NCAM1: variants seen among roughly 807,000 people sequenced by gnomAD.
NCAM1 encodes antigen recognized by monoclonal antibody 5.1H11.
Under a neutral mutation model 109.8 loss-of-function variants are expected in NCAM1, and 14 were observed. That is an observed-to-expected ratio of 0.13 (90% CI 0.08 to 0.20). NCAM1 has a LOEUF of 0.20. Ranked by LOEUF, NCAM1 falls within the 10% of genes least tolerant of loss-of-function variation. The pLI is 1.00. For synonymous variants in NCAM1, 418 were observed against 442.9 expected, an observed-to-expected ratio of 0.94 and a Z score of 0.70; for missense variants, 774 against 1,109.9, an observed-to-expected ratio of 0.70 and a Z score of 4.30.
chr11:113,267,644 G>C (rs1164515449), intron 17 of NCAM1, among the ~76,000 whole-genome samples: 4 of 152,152 alleles, frequency 2.6e-5, no homozygotes, highest in Non-Finnish European at 5.9e-5. Flanking sequence ...TGCAGCAGAT[G>C]GTGGGCCTTT....
chr11:112,996,795 A>G (rs566084798), intron 1 of NCAM1, among the ~76,000 whole-genome samples: 1 of 152,216 alleles, frequency 6.6e-6, no homozygotes, highest in African/African-American at 2.4e-5. Context: ...TGATAATTGC[A>G]TGGAAAAAGT....
chr11:113,207,573 G>C (rs1591418466), intron 6 of NCAM1, among the ~76,000 whole-genome samples, 195 bp downstream of exon 6: 1 of 152,280 alleles, frequency 6.6e-6, no homozygotes, highest in East Asian at 1.9e-4. Flanking sequence ...CCTTGTGGGG[G>C]CAGAGTCAGA....
At chr11:113,009,315 T>TTTTTGTTG (rs1272777545) in intron 1 of NCAM1, among the ~76,000 whole-genome samples, 70 of 93,668 alleles carry the variant, frequency 7.5e-4, no homozygotes, top group Middle Eastern at 4.6e-3. Flanking sequence ...TTTTCGGGTT[T>TTTTTGTTG]TTTTTTTTTT....
At chr11:113,211,700 A>T (rs533987277) in intron 7 of NCAM1, among the ~76,000 whole-genome samples, 1 of 152,320 alleles carries the variant, frequency 6.6e-6, no homozygotes, top group Admixed American at 6.5e-5. Flanking sequence ...AGCTAAGGAC[A>T]AGCAGTGGCC....
chr11:113,231,924 G>C, intron 10 of NCAM1, 129 bp downstream of exon 10: 1 of 1,303,164 alleles, frequency 7.7e-7, no homozygotes, highest in Non-Finnish European at 1.1e-6. Flanking sequence ...AGCTGACCCT[G>C]GGCTATTTCA....
intron 1 of NCAM1, among the ~76,000 whole-genome samples, chr11:113,194,806 G>A (rs1943804877): frequency 6.6e-6 from 1 of 152,194 alleles, no homozygotes; most frequent in Non-Finnish European, 1.5e-5. Flanking sequence ...AAACCCAGGA[G>A]CCCAGGGGCC....
intron 16 of NCAM1, among the ~76,000 whole-genome samples, chr11:113,258,057 C>T (rs1555122617): frequency 2.6e-5 from 4 of 152,238 alleles, no homozygotes; most frequent in Non-Finnish European, 5.9e-5. Context: ...ACTCCTCATC[C>T]AGCCTTAGCC....
chr11:113,264,492 A>C (rs1946093286), intron 17 of NCAM1: 1 of 985,762 alleles, frequency 1.0e-6, no homozygotes, highest in South Asian at 4.7e-5. Flanking sequence ...GCTTCACACC[A>C]GGGCAGTGGA....
Position 113,214,434 on chromosome 11 carries a change from A to G in NCAM1, c.982A>G (p.Thr328Ala). The G allele has an allele frequency of 6.2e-7, 1 of 1,613,744 alleles. No homozygotes were observed. The highest frequency in any genetic ancestry group is 8.5e-7 in the Non-Finnish European group (1 of 1,179,754). The change falls in exon 8 of 20, where the codon ACC becomes GCC. Residue 328 changes from threonine (T) to alanine (A), a missense_variant. Physicochemically the swap from Thr to Ala is moderately conservative, Grantham distance 58. Transcript: ENST00000316851. ...AMELEEQVTL[T>A]CEASGDPIPS... ...GGAATTAGAGGAGCAGGTCACTCTT[A>G]CCTGTGAAGCCTCCGGAGACCCCAT...
intron 1 of NCAM1, among the ~76,000 whole-genome samples, chr11:113,189,881 GA>G (rs5794854): frequency 0.11 from 15,954 of 147,044 alleles, 985 homozygotes; most frequent in East Asian, 0.27. Flanking sequence ...AACAAACAAG[GA>G]AAAAAAAAAA....
chr11:113,212,723 C>A (rs1233586282), intron 7 of NCAM1, among the ~76,000 whole-genome samples: 2 of 152,020 alleles, frequency 1.3e-5, no homozygotes, highest in Non-Finnish European at 2.9e-5. Context: ...TTTTATTAAC[C>A]TTTTTGTTTT....
chr11:113,177,911 C>T (rs1555107339), intron 1 of NCAM1, among the ~76,000 whole-genome samples: 1 of 152,092 alleles, frequency 6.6e-6, no homozygotes, highest in Non-Finnish European at 1.5e-5. Flanking sequence ...CCTCTCCCTT[C>T]ACTCCCTCAA....
intron 1 of NCAM1, among the ~76,000 whole-genome samples, chr11:113,052,579 G>A (rs1243435689): frequency 6.6e-6 from 1 of 152,132 alleles, no homozygotes; most frequent in African/African-American, 2.4e-5. Context: ...GCATGATTTG[G>A]CTTGGCTTGA....
At chr11:113,205,483 G>A (rs782342694) in intron 3 of NCAM1, 40 bp from the exon 4 acceptor site, 16 of 1,584,834 alleles carry the variant, frequency 1.0e-5, no homozygotes, top group Non-Finnish European at 1.3e-5. Flanking sequence ...CTTTGTGAGA[G>A]AAGCAGCTGT....
chr11:113,138,609 TG>T (rs1441347208), intron 1 of NCAM1, among the ~76,000 whole-genome samples: 72 of 152,260 alleles, frequency 4.7e-4, no homozygotes, highest in African/African-American at 1.7e-3. Context: ...TTGCATGATC[TG>T]GGCTCTTTTT....
intron 15 of NCAM1, among the ~76,000 whole-genome samples, chr11:113,251,995 T>A (rs1945692011): frequency 6.6e-6 from 1 of 152,236 alleles, no homozygotes; most frequent in Admixed American, 6.5e-5. Flanking sequence ...CAGTGAACAC[T>A]GGAAGATAAG....
intron 1 of NCAM1, among the ~76,000 whole-genome samples, chr11:113,193,308 T>A (rs1591403665): frequency 6.6e-6 from 1 of 152,226 alleles, no homozygotes; most frequent in Admixed American, 6.5e-5. Flanking sequence ...CTCTTGCTTA[T>A]GCTCCCTTTG....
At chr11:113,119,318 G>C (rs111852285) in intron 1 of NCAM1, among the ~76,000 whole-genome samples, 1,870 of 152,282 alleles carry the variant, frequency 0.012, 19 homozygotes, top group Non-Finnish European at 0.021. Context: ...AACAATAGCC[G>C]ATGATATCCA....
At chr11:113,236,662 A>T (rs543163514) in intron 14 of NCAM1, among the ~76,000 whole-genome samples, 1 of 152,372 alleles carries the variant, frequency 6.6e-6, no homozygotes, top group Non-Finnish European at 1.5e-5. Flanking sequence ...AACACGCTAT[A>T]GCCCCGCCTC....
Sources: allele counts gnomAD v4.1 joint callset (sites outside exome capture counted in the v4.1 genomes callset), GRCh38; gene constraint gnomAD v4.1.1; transcripts MANE v1.5; gene names NCBI Gene and HGNC (gene_info 2026-07-23, HGNC 2026-07-21).